CHMP7: variants seen among roughly 807,000 people sequenced by gnomAD.
The protein encoded by CHMP7 is CHMP family, member 7.
CHMP7 carries 15 observed loss-of-function variants against 53.7 expected under a neutral mutation model. That is an observed-to-expected ratio of 0.28 (90% CI 0.19 to 0.43). The LOEUF (loss-of-function observed/expected upper bound fraction) is 0.43. Ranked by LOEUF, CHMP7 falls within the 20% of genes least tolerant of loss-of-function variation. The probability of loss-of-function intolerance (pLI) is 1.00; values close to 1 mark genes in which losing one functional copy is unlikely to be tolerated. For synonymous variants in CHMP7, 261 were observed against 228.0 expected, an observed-to-expected ratio of 1.14 and a Z score of -1.30; for missense variants, 527 against 569.4, an observed-to-expected ratio of 0.93 and a Z score of 0.76.
intron 2 of CHMP7, among the ~76,000 whole-genome samples, chr8:23,248,904 G>T (rs1801813486): frequency 6.6e-6 from 1 of 152,224 alleles, no homozygotes. Context: ...TGTTGCCTTA[G>T]TGGAGCACTT....
intron 3 of CHMP7, among the ~76,000 whole-genome samples, chr8:23,254,185 C>CCTTTTTTT (rs1554528473): frequency 7.4e-6 from 1 of 134,930 alleles, no homozygotes. Flanking sequence ...TTCTGCTCAA[C>CCTTTTTTT]TTTTTTTTTT....
At chr8:23,258,983 G>C (rs997026881) in intron 8 of CHMP7, 83 bp from the exon 9 acceptor site, 17 of 1,098,718 alleles carry the variant, frequency 1.5e-5, no homozygotes, top group African/African-American at 3.1e-5. Context: ...GGATTGCTTT[G>C]TAACCCTAGA....
chr8:23,246,493 AC>A lies in CHMP7; in HGVS notation c.-202del. On this transcript the variant is annotated 5_prime_UTR_variant, in exon 2 of 11. Coordinates refer to ENST00000397677, the MANE Select transcript of CHMP7 (RefSeq NM_152272.5). ...AGCGCTCGGTGTCTCTCTGAAAAGA[AC>A]TTCATCATACTGCCTCCTGGCTGAC... is the stretch of plus-strand genomic sequence containing the variant. 3.4e-6 allele frequency: 2 copies of A among 594,088 alleles called. No homozygotes were observed. The highest frequency in any genetic ancestry group is 6.0e-6 in the Non-Finnish European group (2 of 336,132). The allele number at this position is 594,088 out of a possible 1,614,324, so 36.8% of individuals were successfully genotyped here.
chr8:23,260,009 G>A (rs974217898), intron 9 of CHMP7, 135 bp from the exon 10 acceptor site: 26 of 661,076 alleles, frequency 3.9e-5, no homozygotes, highest in African/African-American at 9.1e-5. Context: ...CCTGACTTCC[G>A]GGATTTTTTT....
At chr8:23,259,661 GGTGA>G (rs1802301918) in intron 9 of CHMP7, among the ~76,000 whole-genome samples, 1 of 152,130 alleles carries the variant, frequency 6.6e-6, no homozygotes, top group African/African-American at 2.4e-5. Context: ...CCTGGCCCAA[GGTGA>G]GTGTTTCTTC....
intron 2 of CHMP7, among the ~76,000 whole-genome samples, chr8:23,247,382 G>A (rs1801744333): frequency 6.6e-6 from 1 of 152,188 alleles, no homozygotes; most frequent in African/African-American, 2.4e-5. Context: ...ACCTAGGGAA[G>A]GTTAGAGCTA....
In CHMP7 at chr8:23,258,074, A is replaced by G. The variant is rs997588158; in HGVS notation, c.833A>G (p.Lys278Arg). The change falls in exon 6 of 11, where the codon AAG (lysine) becomes AGG (arginine). Residue 278 changes from lysine (K) to arginine (R), a missense_variant. Lys to Arg is a conservative substitution (Grantham distance 26, BLOSUM62 2). Transcript: ENST00000397677. ...EARRACRAGK[K>R]QLALRSLKAK... ...CGCCGGGCATGCCGAGCAGGAAAGA[A>G]GCAGCTGGTGAGTTCTTGTCTCCTC... The G allele has an allele frequency of 6.2e-7, 1 of 1,613,118 alleles. No individual in the cohort carries two copies. Among genetic ancestry groups the G allele is most frequent in the Non-Finnish European group, 8.5e-7 (1 of 1,179,170 alleles).
intron 3 of CHMP7, 83 bp downstream of exon 3, chr8:23,249,464 A>AAG: frequency 8.8e-7 from 1 of 1,140,546 alleles, no homozygotes; most frequent in Non-Finnish European, 1.2e-6. Context: ...TTCTTGAAAA[A>AAG]AGACCGTCTC....
intron 3 of CHMP7, among the ~76,000 whole-genome samples, chr8:23,254,581 A>C (rs1411074104): frequency 6.8e-6 from 1 of 146,738 alleles, no homozygotes; most frequent in Non-Finnish European, 1.5e-5. Flanking sequence ...TTGTATTTTT[A>C]GTAAAGACAG....
At chr8:23,258,897 G>A in intron 8 of CHMP7, 67 bp downstream of exon 8, 3 of 1,203,170 alleles carry the variant, frequency 2.5e-6, no homozygotes, top group Non-Finnish European at 3.7e-6. Flanking sequence ...TGACTTCATT[G>A]CACATCCTCT....
rs1802125214 is a variant in CHMP7, at chr8:23,256,387, C to T, written c.658-73C>T. 8.8e-6 allele frequency: 9 copies of T among 1,018,264 alleles called. No homozygotes were observed. In the East Asian group the frequency reaches 2.1e-4, roughly 24 times the overall value. 63.1% of individuals were successfully genotyped at this position (1,018,264 alleles called of 1,614,324 possible). On this transcript the variant is annotated intron_variant, in intron 4 of 10. Coordinates refer to ENST00000397677, the MANE Select transcript of CHMP7 (RefSeq NM_152272.5). ...GGGGCCTGCTGTTCTCACATGCCCA[C>T]CACCAGCGCTCCTGGTTGGGAATTT... is the stretch of plus-strand genomic sequence containing the variant.
intron 9 of CHMP7, 85 bp from the exon 10 acceptor site, chr8:23,260,059 G>C: frequency 9.1e-7 from 1 of 1,095,934 alleles, no homozygotes; most frequent in Non-Finnish European, 1.3e-6. Flanking sequence ...GTAAAGCTAA[G>C]CGGGTTTTGG....
At chr8:23,250,764 G>A (rs1232298806) in intron 3 of CHMP7, among the ~76,000 whole-genome samples, 1 of 151,958 alleles carries the variant, frequency 6.6e-6, no homozygotes, top group Admixed American at 6.6e-5. Flanking sequence ...AGCCCTAGAG[G>A]CTTCACACAG....
chr8:23,255,358 A>T lies in CHMP7; in HGVS notation c.583A>T (p.Arg195Trp). ...CTGTGCTAACTCCTGCCCAGATGAG[A>T]GGACCTTCTACTTGGTGTTGCTGCA... is the stretch of plus-strand genomic sequence containing the variant. ...TLCANSCPDE[R>W]TFYLVLLQLQ... The change falls in exon 4 of 11, where the codon AGG (arginine) becomes TGG (tryptophan). Residue 195 changes from arginine to tryptophan, a missense_variant. Physicochemically the swap from Arg to Trp is moderately radical, Grantham distance 101 (BLOSUM62 -3). Coordinates refer to ENST00000397677, the MANE Select transcript of CHMP7 (RefSeq NM_152272.5). 6.2e-7 allele frequency: 1 copy of T among 1,614,180 alleles called. No individual in the cohort carries two copies. The highest frequency in any genetic ancestry group is 8.5e-7 in the Non-Finnish European group (1 of 1,180,032).
chr8:23,258,150 A>G (rs559149487), intron 6 of CHMP7, 69 bp downstream of exon 6: 36 of 1,473,316 alleles, frequency 2.4e-5, no homozygotes, highest in Admixed American at 6.9e-5. Context: ...CCAGCAGTTC[A>G]GAGAGCAGCT....
At chr8:23,256,704 T>A in intron 5 of CHMP7, 111 bp downstream of exon 5, 2 of 818,644 alleles carry the variant, frequency 2.4e-6, no homozygotes, top group Non-Finnish European at 3.7e-6. Flanking sequence ...TTTTTTTTTT[T>A]AGCTAATTAC....
chr8:23,244,739 C>A (rs1801627169), intron 1 of CHMP7, among the ~76,000 whole-genome samples: 1 of 152,140 alleles, frequency 6.6e-6, no homozygotes, highest in African/African-American at 2.4e-5. Flanking sequence ...GAATTGATAT[C>A]TTGATAATAT....
chr8:23,248,291 T>C, intron 2 of CHMP7: 7 of 426,578 alleles, frequency 1.6e-5, no homozygotes, highest in Non-Finnish European at 3.4e-5. Context: ...ACCTCTATGG[T>C]GGTATTAAAG....
intron 5 of CHMP7, 93 bp from the exon 6 acceptor site, chr8:23,257,940 C>T: frequency 1.2e-6 from 1 of 825,902 alleles, no homozygotes; most frequent in Non-Finnish European, 2.0e-6. Context: ...AGATTTAAAA[C>T]CACCTTAACT....
Sources: allele counts gnomAD v4.1 joint callset (sites outside exome capture counted in the v4.1 genomes callset), GRCh38; gene constraint gnomAD v4.1.1; transcripts MANE v1.5; gene names NCBI Gene and HGNC (gene_info 2026-07-23, HGNC 2026-07-21).